The following CEP192 variants were observed in gnomAD, a reference collection of about 807,000 sequenced individuals.
The protein encoded by CEP192 is centrosomal protein 192.
In CEP192, 151 loss-of-function variants were observed where a neutral mutation model predicts 271.8. The ratio of observed to expected loss-of-function variants is 0.56; its 90% CI spans 0.49 to 0.64. CEP192 has a LOEUF of 0.64. CEP192 is among the 30% of genes least tolerant of loss of function. The probability of loss-of-function intolerance (pLI) is 0.00; values close to 1 mark genes in which losing one functional copy is unlikely to be tolerated. For synonymous variants in CEP192, 995 were observed against 1,076.5 expected (o/e 0.92, Z 1.48); for missense variants, 2,910 against 3,020.5 (o/e 0.96, Z 0.86).
intron 15 of CEP192, among the ~76,000 whole-genome samples, chr18:13,043,589 G>C (rs2036321433): frequency 6.6e-6 from 1 of 151,970 alleles, no homozygotes; most frequent in African/African-American, 2.4e-5. Context: ...GCTATTCTTG[G>C]CCCTTTATAT....
intron 19 of CEP192, among the ~76,000 whole-genome samples, chr18:13,056,899 A>G (rs907676108): frequency 2.0e-5 from 3 of 152,220 alleles, no homozygotes; most frequent in African/African-American, 7.2e-5. Flanking sequence ...TGCAGGTGAC[A>G]GGCTGCCTAT....
intron 36 of CEP192, 32 bp from the exon 37 acceptor site, chr18:13,099,444 C>T: frequency 8.8e-7 from 1 of 1,134,850 alleles, no homozygotes; most frequent in Non-Finnish European, 1.3e-6. Context: ...AATGCAGGCT[C>T]TTTTTAATTT....
chr18:13,031,574 G>T (rs973897511), intron 11 of CEP192, among the ~76,000 whole-genome samples: 1 of 152,064 alleles, frequency 6.6e-6, no homozygotes, highest in African/African-American at 2.4e-5. Flanking sequence ...ATAGGCTTGC[G>T]CCAGAGGAAG....
At chr18:13,010,115 C>T (rs958891732) in intron 4 of CEP192, among the ~76,000 whole-genome samples, 2 of 151,996 alleles carry the variant, frequency 1.3e-5, no homozygotes, top group Non-Finnish European at 2.9e-5. Flanking sequence ...TGCACTCCAG[C>T]CTGGGAGACA....
rs1173852772 is a variant in CEP192 at position 13,041,581 on chromosome 18, C to CT, written c.1937-609dup. Among the ~76,000 whole-genome samples, 458 of 141,494 alleles carry CT rather than the reference C, an allele frequency of 3.2e-3. 3 individuals are homozygous for CT. The highest frequency in any genetic ancestry group is 0.028 in the East Asian group (137 of 4,900). The allele number at this position is 141,494 out of a possible 152,430, so 92.8% of individuals were successfully genotyped here. On this transcript the variant is annotated intron_variant, in intron 14 of 44. Coordinates refer to ENST00000506447, the MANE Select transcript of CEP192 (RefSeq NM_032142.4). ...CTTCTCTTTTTTTTTGAGACAGTCT[C>CT]TTTTTTTTTTTTTTGAGACAGAGTC...
At chr18:13,008,420 A>C (rs926775912) in intron 3 of CEP192, 36 bp from the exon 4 acceptor site, 2 of 1,393,356 alleles carry the variant, frequency 1.4e-6, no homozygotes, top group Non-Finnish European at 2.0e-6. Flanking sequence ...CAAGGTAACT[A>C]ACATTTTATC....
Position 13,068,849 on chromosome 18 carries a change from T to A in CEP192, c.4823-3T>A, listed in dbSNP as rs1349125711. ...CAAGCTAAAAGAATGAACTTTTTTT[T>A]AGATATTCTGGACTCAGCAGAAGAA... is the stretch of plus-strand genomic sequence containing the variant. On this transcript the variant is annotated splice_polypyrimidine_tract_variant and splice_region_variant and intron_variant, in intron 24 of 44. Coordinates refer to ENST00000506447, the MANE Select transcript of CEP192 (RefSeq NM_032142.4). The A allele has an allele frequency of 6.2e-7, 1 of 1,614,206 alleles. No homozygotes were observed.
chr18:13,124,894 T>C lies in CEP192; in HGVS notation c.*124T>C. ...GATGGATATCTATAATTGTAGATTT[T>C]GTTTTTACAAGCTAATACTGAAGAC... On this transcript the variant is annotated 3_prime_UTR_variant, in exon 45 of 45. Coordinates refer to ENST00000506447, the MANE Select transcript of CEP192 (RefSeq NM_032142.4). The C allele has an allele frequency of 1.2e-6, 1 of 846,910 alleles. No individual in the cohort carries two copies. Among genetic ancestry groups the C allele is most frequent in the Non-Finnish European group, 1.8e-6 (1 of 563,800 alleles). The allele number at this position is 846,910 out of a possible 1,614,324, so 52.5% of individuals were successfully genotyped here. A position where few individuals can be genotyped will look rare whatever the true frequency, so the allele number is the denominator to read the frequency against.
intron 40 of CEP192, among the ~76,000 whole-genome samples, chr18:13,106,476 CTACCACTACT>C (rs2039953906): frequency 7.6e-6 from 1 of 130,808 alleles, no homozygotes; most frequent in South Asian, 2.8e-4. Flanking sequence ...ACCACCACCA[CTACCACTACT>C]CACCACTGCC....
intron 9 of CEP192, among the ~76,000 whole-genome samples, chr18:13,029,339 CTT>C (rs559366488): frequency 4.0e-4 from 61 of 152,244 alleles, no homozygotes; most frequent in South Asian, 2.5e-3. Flanking sequence ...TTTGTGGAGA[CTT>C]TTATTGGTAA....
chr18:13,042,364 A>G (rs1407732562), intron 15 of CEP192, 30 bp downstream of exon 15: 1 of 1,611,304 alleles, frequency 6.2e-7, no homozygotes, highest in African/African-American at 1.3e-5. Flanking sequence ...AGGAAATCTA[A>G]GATTATCTTG....
At chr18:13,055,706 T>G (rs1257946910) in intron 18 of CEP192, 74 bp from the exon 19 acceptor site, 2 of 1,093,238 alleles carry the variant, frequency 1.8e-6, no homozygotes, top group Admixed American at 5.1e-5. Flanking sequence ...TTACTTGAGC[T>G]TTTGCCAGCA....
rs754581297 is a variant in CEP192 at position 13,087,093 on chromosome 18, T to C, written c.5693T>C (p.Val1898Ala). 2 of 1,613,764 alleles carry C rather than the reference T, an allele frequency of 1.2e-6. No individual in the cohort carries two copies. The highest frequency in any genetic ancestry group is 1.7e-6 in the Non-Finnish European group (2 of 1,179,652). ...AAAAAATTATCTGACAGTTACATGG[T>C]AACAGTGAATGGCTTAGTACCTGGC... Reference protein sequence around the residue: ...GVKKLSDSYMVTVNGLVPGKE... With the variant: ...GVKKLSDSYMATVNGLVPGKE... The change falls in exon 31 of 45, where the codon GTA (valine) becomes GCA (alanine). Residue 1898 changes from valine (V) to alanine (A), a missense_variant. Coordinates refer to ENST00000506447, the MANE Select transcript of CEP192 (RefSeq NM_032142.4).
chr18:13,015,062 G>A (rs569194550), intron 5 of CEP192, among the ~76,000 whole-genome samples: 1 of 152,198 alleles, frequency 6.6e-6, no homozygotes, highest in South Asian at 2.1e-4. Flanking sequence ...ACTATATTAC[G>A]AGCCTCTCTG....
chr18:13,013,091 C>T, intron 5 of CEP192, 66 bp downstream of exon 5: 1 of 762,816 alleles, frequency 1.3e-6, no homozygotes, highest in Non-Finnish European at 2.2e-6. Context: ...TCATATTTCG[C>T]ATATATAACT....
intron 3 of CEP192, among the ~76,000 whole-genome samples, chr18:13,006,833 A>G (rs1468601095): frequency 1.3e-5 from 2 of 152,156 alleles, no homozygotes; most frequent in African/African-American, 2.4e-5. Context: ...GGGCCGCTGT[A>G]ACTGCCATCG....
At chr18:13,040,797 C>T (rs372765784) in intron 13 of CEP192, 33 bp from the exon 14 acceptor site, 1 of 1,524,728 alleles carries the variant, frequency 6.6e-7, no homozygotes, top group African/African-American at 1.4e-5. Flanking sequence ...AGTTGAAAAT[C>T]AAAGAAATAA....
intron 17 of CEP192, among the ~76,000 whole-genome samples, chr18:13,051,538 CTTTTTATTTAT>C (rs2036790363): frequency 6.6e-6 from 1 of 152,022 alleles, no homozygotes; most frequent in Non-Finnish European, 1.5e-5. Flanking sequence ...TGATTTGGGA[CTTTTTATTTAT>C]TTTTTATTTT....
chr18:13,029,746 T>C lies in CEP192; in HGVS notation c.1134T>C (p.Asn378=). The stretch of plus-strand genomic sequence containing the variant: ...ACTCTGATAATTTTCATGATGCAAA[T>C]GCCAATAGAGGTGGTTTTGATCTGA... ...KLNSDNFHDA[N]ANRGGFDLTD... is the part of the protein sequence containing the mutation. The change falls in exon 10 of 45, where the codon AAT becomes AAC. Residue 378 remains asparagine, a synonymous_variant. Transcript: ENST00000506447. The C allele has an allele frequency of 6.4e-7, 1 of 1,551,614 alleles. No individual in the cohort carries two copies.
Sources: allele counts gnomAD v4.1 joint callset (sites outside exome capture counted in the v4.1 genomes callset), GRCh38; gene constraint gnomAD v4.1.1; transcripts MANE v1.5; gene names NCBI Gene and HGNC (gene_info 2026-07-23, HGNC 2026-07-21).